The following ZW10 variants were observed in gnomAD, a reference collection of about 807,000 sequenced individuals.
ZW10 encodes zw10 kinetochore protein.
A neutral mutation model predicts 87.8 loss-of-function variants in ZW10; 53 were observed. The ratio of observed to expected loss-of-function variants is 0.60; its 90% CI spans 0.48 to 0.76. The LOEUF is 0.76. Among genes scored for constraint, ZW10 ranks in the 30% least tolerant of loss-of-function variants. The pLI, the probability that ZW10 is intolerant of heterozygous loss-of-function variation, is 0.00. For missense variants in ZW10, 837 were observed against 923.0 expected (o/e 0.91, Z 1.21); for synonymous variants, 312 against 329.2 (o/e 0.95, Z 0.57).
rs150108580 is a variant in ZW10, at chr11:113,760,900, C to T, written c.259G>A (p.Val87Ile). 4.3e-5 allele frequency: 70 copies of T among 1,613,934 alleles called. 1 individual carries two copies. The Middle Eastern group carries it at 6.6e-4, about 15-fold the overall frequency. The change falls in exon 3 of 16, where the codon GTA (valine) becomes ATA (isoleucine). Residue 87 changes from valine to isoleucine, a missense_variant. Physicochemically the swap from Val to Ile is conservative, Grantham distance 29 (BLOSUM62 3). Coordinates refer to ENST00000200135, the MANE Select transcript of ZW10 (RefSeq NM_004724.4). Reference protein sequence around the residue: ...IESEVRRDLHVSTGEFTDLKQ... With the variant: ...IESEVRRDLHISTGEFTDLKQ... ...AAGTCTGTAAATTCACCGGTTGATA[C>T]GTGAAGATCCCGGCGGACCTAATTC...
At chr11:113,769,115 A>G in intron 1 of ZW10, 148 bp from the exon 2 acceptor site, 2 of 735,204 alleles carry the variant, frequency 2.7e-6, no homozygotes, top group Non-Finnish European at 4.3e-6. Flanking sequence ...CAAGCCAATG[A>G]GTTTATTTCA....
chr11:113,735,222 T>C (rs752111804), intron 15 of ZW10, among the ~76,000 whole-genome samples: 1 of 152,182 alleles, frequency 6.6e-6, no homozygotes, highest in Non-Finnish European at 1.5e-5. Context: ...TAAAAAGAAG[T>C]TGAGTTGTAC....
At chr11:113,744,653 A>G (rs1953661601) in intron 9 of ZW10, among the ~76,000 whole-genome samples, 1 of 152,022 alleles carries the variant, frequency 6.6e-6, no homozygotes. Context: ...CAGTGGCACA[A>G]TCATAGCTCA....
At chr11:113,754,626 T>C (rs1953764289) in intron 7 of ZW10, among the ~76,000 whole-genome samples, 1 of 152,120 alleles carries the variant, frequency 6.6e-6, no homozygotes, top group Non-Finnish European at 1.5e-5. Flanking sequence ...TCTTATTTTC[T>C]TTTTTGAGAC....
chr11:113,745,984 G>A (rs1401154994), intron 9 of ZW10, among the ~76,000 whole-genome samples: 1 of 143,978 alleles, frequency 6.9e-6, no homozygotes, highest in Non-Finnish European at 1.5e-5. Flanking sequence ...GGAAAACTCT[G>A]TCTTAAAGGG....
At chr11:113,752,546 ATC>A (rs1422075408) in intron 7 of ZW10, among the ~76,000 whole-genome samples, 2 of 152,190 alleles carry the variant, frequency 1.3e-5, no homozygotes, top group Non-Finnish European at 2.9e-5. Context: ...CACTTCATAT[ATC>A]TGTGTCACAT....
intron 7 of ZW10, among the ~76,000 whole-genome samples, chr11:113,751,966 T>C (rs149738912): frequency 3.5e-4 from 54 of 152,344 alleles, no homozygotes; most frequent in Non-Finnish European, 1.0e-4. Flanking sequence ...ACATGCTCTA[T>C]AAAAAGTTTA....
At chr11:113,748,590 A>T (rs1404838746) in intron 7 of ZW10, among the ~76,000 whole-genome samples, 170 bp from the exon 8 acceptor site, 1 of 152,156 alleles carries the variant, frequency 6.6e-6, no homozygotes, top group African/African-American at 2.4e-5. Context: ...AATTATTATT[A>T]TTTTATTTTC....
intron 10 of ZW10, among the ~76,000 whole-genome samples, chr11:113,742,934 C>T (rs1953638041): frequency 6.6e-6 from 1 of 152,156 alleles, no homozygotes; most frequent in South Asian, 2.1e-4. Flanking sequence ...TTGATTGGGC[C>T]AAACCCTAAC....
chr11:113,746,495 C>CAAAAAAAAAAAAAAAAAAAAAACA (rs566009326), intron 9 of ZW10, among the ~76,000 whole-genome samples: 2 of 105,342 alleles, frequency 1.9e-5, no homozygotes, highest in Non-Finnish European at 3.7e-5. Flanking sequence ...ACAAAACAGT[C>CAAAAAAAAAAAAAAAAAAAAAACA]AAAAAAAAAA....
intron 15 of ZW10, among the ~76,000 whole-genome samples, chr11:113,735,596 G>C (rs1267397820): frequency 6.6e-6 from 1 of 152,068 alleles, no homozygotes; most frequent in African/African-American, 2.4e-5. Context: ...GGATGGAGAT[G>C]ACCTTAAGGC....
rs1953532717 is a variant in ZW10, at chr11:113,734,943, G to T, written c.2220-1129C>A. 1.3e-5 allele frequency among the ~76,000 whole-genome samples: 2 copies of T among 152,120 alleles called. 1 individual carries two copies. On this transcript the variant is annotated intron_variant, in intron 15 of 15. Transcript: ENST00000200135. ...GTTATTTAGGATACATGTAAATGGG[G>T]TAGAACTATAAAGAAAGGTAAGGAA... is the stretch of plus-strand genomic sequence containing the variant.
At chr11:113,745,844 G>A (rs191507173) in intron 9 of ZW10, among the ~76,000 whole-genome samples, 1 of 152,332 alleles carries the variant, frequency 6.6e-6, no homozygotes, top group Admixed American at 6.5e-5. Context: ...AAGCAATTAA[G>A]TTGAAAACGT....
chr11:113,753,105 T>C (rs1223543051), intron 7 of ZW10, among the ~76,000 whole-genome samples: 1 of 152,150 alleles, frequency 6.6e-6, no homozygotes, highest in Non-Finnish European at 1.5e-5. Flanking sequence ...GGGTTTGTTG[T>C]ATAGATTATT....
At chr11:113,736,510 G>A in intron 15 of ZW10, 110 bp downstream of exon 15, 1 of 1,092,742 alleles carries the variant, frequency 9.2e-7, no homozygotes, top group East Asian at 2.4e-5. Flanking sequence ...CAATATGAAA[G>A]TCTTGCATGA....
intron 2 of ZW10, among the ~76,000 whole-genome samples, chr11:113,766,673 CA>C (rs34081366): frequency 0.057 from 1,565 of 27,614 alleles, 5 homozygotes; most frequent in African/African-American, 0.14. Context: ...GACTCCATCT[CA>C]AAAAAAAAAA....
chr11:113,741,947 T>A (rs183756396), intron 10 of ZW10, among the ~76,000 whole-genome samples, 182 bp from the exon 11 acceptor site: 23 of 152,362 alleles, frequency 1.5e-4, no homozygotes, highest in African/African-American at 3.8e-4. Flanking sequence ...AACCAGTATT[T>A]ACTAACCAGA....
At chr11:113,754,154 C>T (rs117800769) in intron 7 of ZW10, among the ~76,000 whole-genome samples, 1 of 152,120 alleles carries the variant, frequency 6.6e-6, no homozygotes, top group South Asian at 2.1e-4. Context: ...CTGCTGGTGA[C>T]TTTAAGATGA....
intron 7 of ZW10, among the ~76,000 whole-genome samples, chr11:113,756,327 CA>C (rs1370142409): frequency 1.3e-5 from 2 of 151,938 alleles, no homozygotes; most frequent in Admixed American, 6.6e-5. Context: ...CTATGTCACT[CA>C]AAAAATAAAA....
Sources: gnomAD v4.1 joint callset for allele counts (sites outside exome capture counted in the v4.1 genomes callset) on GRCh38, gnomAD v4.1.1 for gene constraint, MANE v1.5 for transcripts, NCBI Gene and HGNC (gene_info 2026-07-23, HGNC 2026-07-21) for gene names.